Variants in FSTL1 observed in about 807,000 individuals in gnomAD.
FSTL1 encodes the protein follistatin-related protein 1.
Under a neutral mutation model 45.9 loss-of-function variants are expected in FSTL1, and 24 were observed. The ratio of observed to expected loss-of-function variants is 0.52; its 90% CI spans 0.38 to 0.74. The LOEUF (loss-of-function observed/expected upper bound fraction) is 0.74. Among genes scored for constraint, FSTL1 ranks in the 30% least tolerant of loss-of-function variants. FSTL1 has a pLI of 0.00. For synonymous variants in FSTL1, 120 were observed against 137.6 expected (o/e 0.87, Z 0.89); for missense variants, 340 against 381.8 (o/e 0.89, Z 0.91).
intron 2 of FSTL1, among the ~76,000 whole-genome samples, chr3:120,430,515 A>G (rs1189860660): frequency 6.6e-6 from 1 of 152,222 alleles, no homozygotes; most frequent in Non-Finnish European, 1.5e-5. Flanking sequence ...GGTGTCAGGA[A>G]GTTCTGGCAC....
intron 3 of FSTL1, among the ~76,000 whole-genome samples, chr3:120,413,895 G>A (rs1286606215): frequency 6.7e-6 from 1 of 149,590 alleles, no homozygotes; most frequent in Non-Finnish European, 1.5e-5. Flanking sequence ...CTCCCTGCCT[G>A]ATTCTCCTGA....
In FSTL1 at chr3:120,393,010, A is replaced by G. The variant is rs1936621766; in HGVS notation, c.*3942T>C. ...AATGTTGCACTTCCTGAATACATAC[A>G]TACTATAACAGCAGAAAAAGTTTTC... On this transcript the variant is annotated 3_prime_UTR_variant, in exon 11 of 11. Coordinates refer to ENST00000295633, the MANE Select transcript of FSTL1 (RefSeq NM_007085.5). 1 of 152,238 alleles carries G rather than the reference A, an allele frequency of 6.6e-6. No homozygotes were observed. The highest frequency in any genetic ancestry group is 6.5e-5 in the Admixed American group (1 of 15,282). 9.4% of individuals were successfully genotyped at this position (152,238 alleles called of 1,614,324 possible). A position where few individuals can be genotyped will look rare whatever the true frequency, so the allele number is the denominator to read the frequency against.
chr3:120,427,639 G>A (rs951715174), intron 2 of FSTL1, among the ~76,000 whole-genome samples: 7 of 152,284 alleles, frequency 4.6e-5, no homozygotes, highest in Admixed American at 2.0e-4. Flanking sequence ...ATTAGAGATT[G>A]TCTTAGGCCC....
intron 2 of FSTL1, among the ~76,000 whole-genome samples, chr3:120,418,458 T>C (rs996963853): frequency 5.9e-5 from 9 of 152,188 alleles, no homozygotes; most frequent in African/African-American, 2.2e-4. Context: ...CTCCTTAAGT[T>C]AGACATCATT....
At chr3:120,416,348 G>A (rs1007681054) in intron 2 of FSTL1, among the ~76,000 whole-genome samples, 13 of 152,128 alleles carry the variant, frequency 8.5e-5, no homozygotes, top group African/African-American at 1.7e-4. Flanking sequence ...CCAACACTAC[G>A]CTGAGATGGA....
At chr3:120,428,648 C>A (rs1379143258) in intron 2 of FSTL1, among the ~76,000 whole-genome samples, 2 of 152,116 alleles carry the variant, frequency 1.3e-5, no homozygotes, top group Non-Finnish European at 2.9e-5. Context: ...GCACGAGAAT[C>A]GCTTGAACCT....
intron 3 of FSTL1, among the ~76,000 whole-genome samples, chr3:120,413,040 A>G (rs567910701): frequency 6.6e-6 from 1 of 152,310 alleles, no homozygotes; most frequent in South Asian, 2.1e-4. Flanking sequence ...GGGAAATGGA[A>G]CAAAGTTCAT....
In FSTL1 at chr3:120,392,593, T is replaced by A. The variant is rs1936615005; in HGVS notation, c.*4359A>T. ...TTGGATTTTTACCATGTACACATATTATTTTTTCAGTAAAAAAGTTAAATC... is the reference window on the plus strand; with the variant it reads ...TTGGATTTTTACCATGTACACATATAATTTTTTCAGTAAAAAAGTTAAATC... On this transcript the variant is annotated 3_prime_UTR_variant, in exon 11 of 11. Coordinates refer to ENST00000295633, the MANE Select transcript of FSTL1 (RefSeq NM_007085.5). 1 of 152,236 alleles carries A rather than the reference T, an allele frequency of 6.6e-6. No individual in the cohort carries two copies. Among genetic ancestry groups the A allele is most frequent in the African/African-American group, 2.4e-5 (1 of 41,468 alleles). The allele number at this position is 152,236 out of a possible 1,614,324, so 9.4% of individuals were successfully genotyped here.
intron 2 of FSTL1, among the ~76,000 whole-genome samples, chr3:120,435,372 G>A (rs916147365): frequency 6.6e-6 from 1 of 152,146 alleles, no homozygotes; most frequent in African/African-American, 2.4e-5. Flanking sequence ...AAAATTAACA[G>A]AGTTTCCCAC....
At chr3:120,412,817 TGTGC>T (rs1301828180) in intron 3 of FSTL1, among the ~76,000 whole-genome samples, 9,047 of 86,650 alleles carry the variant, frequency 0.1, 341 homozygotes, top group Non-Finnish European at 0.14. Context: ...CACACACACA[TGTGC>T]GCGCGCGCGC....
chr3:120,435,603 G>A lies in FSTL1; in HGVS notation c.63+15081C>T, dbSNP rs58789638. Among the ~76,000 whole-genome samples the A allele has an allele frequency of 2.6e-3, 401 of 152,250 alleles. 1 individual carries two copies. The highest frequency in any genetic ancestry group is 9.3e-3 in the African/African-American group (386 of 41,550). On this transcript the variant is annotated intron_variant, in intron 2 of 10. Coordinates refer to ENST00000295633, the MANE Select transcript of FSTL1 (RefSeq NM_007085.5). ...TCTGAGCCCACAGACTGGCAGTCTA[G>A]AGCCTCAGCTATCTATCTGAGCCCC...
chr3:120,421,864 T>G (rs1447063648), intron 2 of FSTL1, among the ~76,000 whole-genome samples: 25 of 152,182 alleles, frequency 1.6e-4, no homozygotes. Flanking sequence ...CAAGCTTAAA[T>G]GGTTTAGGGA....
chr3:120,415,993 T>C lies in FSTL1; in HGVS notation c.98A>G (p.Asn33Ser). Reference protein sequence around the residue: ...ELRSKSKICANVFCGAGRECA... With the variant: ...ELRSKSKICASVFCGAGRECA... ...TTCCCGGCCGGCTCCACAAAACACA[T>C]TGGCACAGATCTTGGATTTGCTCCT... The change falls in exon 3 of 11, where the codon AAT becomes AGT. Residue 33 changes from asparagine to serine, a missense_variant. Transcript: ENST00000295633. The C allele has an allele frequency of 1.2e-6, 2 of 1,613,960 alleles. No homozygotes were observed. The highest frequency in any genetic ancestry group is 1.1e-5 in the South Asian group (1 of 91,076).
intron 2 of FSTL1, among the ~76,000 whole-genome samples, chr3:120,428,839 G>C (rs1937429637): frequency 6.6e-6 from 1 of 152,226 alleles, no homozygotes; most frequent in East Asian, 1.9e-4. Flanking sequence ...TAAGGTTCCA[G>C]CATCCTGGCA....
At chr3:120,414,224 G>A (rs1365737959) in intron 3 of FSTL1, among the ~76,000 whole-genome samples, 1 of 152,042 alleles carries the variant, frequency 6.6e-6, no homozygotes, top group Non-Finnish European at 1.5e-5. Context: ...AGTGAGGAGC[G>A]TCTCTGCCTG....
intron 2 of FSTL1, among the ~76,000 whole-genome samples, chr3:120,442,028 G>A (rs780544019): frequency 6.6e-6 from 1 of 152,242 alleles, no homozygotes; most frequent in East Asian, 1.9e-4. Context: ...CACAAAGGCT[G>A]TGCAAATAAA....
intron 7 of FSTL1, 21 bp from the exon 8 acceptor site, chr3:120,403,375 A>C (rs1431048728): frequency 1.4e-6 from 2 of 1,398,890 alleles, no homozygotes; most frequent in East Asian, 4.6e-5. Context: ...ACACAGGAGA[A>C]ATGTGTTAGC....
intron 2 of FSTL1, among the ~76,000 whole-genome samples, chr3:120,449,941 C>A (rs1305247775): frequency 6.6e-6 from 1 of 152,118 alleles, no homozygotes; most frequent in Admixed American, 6.6e-5. Flanking sequence ...TGTCCATAAA[C>A]CTTTGAGTTA....
At chr3:120,428,550 T>C (rs1051692007) in intron 2 of FSTL1, among the ~76,000 whole-genome samples, 25 of 152,124 alleles carry the variant, frequency 1.6e-4, no homozygotes, top group African/African-American at 5.1e-4. Flanking sequence ...CTGGCCAACA[T>C]GGTGAAACCC....
Sources: gnomAD v4.1 joint callset for allele counts (sites outside exome capture counted in the v4.1 genomes callset) on GRCh38, gnomAD v4.1.1 for gene constraint, MANE v1.5 for transcripts, NCBI Gene and HGNC (gene_info 2026-07-23, HGNC 2026-07-21) for gene names.